TMEM232: variants seen among roughly 807,000 people sequenced by gnomAD.
The protein encoded by TMEM232 is transmembrane protein 232.
A neutral mutation model predicts 78.8 loss-of-function variants in TMEM232; 80 were observed. The ratio of observed to expected loss-of-function variants is 1.01; its 90% CI spans 0.85 to 1.22. TMEM232 has a LOEUF of 1.22. TMEM232 is among the 50% of genes most tolerant of loss of function. The pLI, the probability that TMEM232 is intolerant of heterozygous loss-of-function variation, is 0.00. For synonymous variants in TMEM232, 297 were observed against 254.3 expected, an observed-to-expected ratio of 1.17 and a Z score of -1.60; for missense variants, 881 against 742.2, an observed-to-expected ratio of 1.19 and a Z score of -2.17.
intron 1 of TMEM232, among the ~76,000 whole-genome samples, chr5:110,696,161 A>G (rs1040353087): frequency 6.6e-6 from 1 of 152,234 alleles, no homozygotes; most frequent in South Asian, 2.1e-4. Flanking sequence ...ACGAAAATCA[A>G]TAAACGTAAT....
intron 11 of TMEM232, among the ~76,000 whole-genome samples, chr5:110,534,071 A>G (rs1303992667): frequency 6.6e-6 from 1 of 152,122 alleles, no homozygotes; most frequent in South Asian, 2.1e-4. Context: ...TTTACTCAAC[A>G]TGCCCCAAGT....
intron 3 of TMEM232, among the ~76,000 whole-genome samples, chr5:110,396,614 G>A (rs1192597986): frequency 6.6e-6 from 1 of 152,104 alleles, no homozygotes; most frequent in Admixed American, 6.6e-5. Context: ...TATCTGAGGA[G>A]CTCACAAATC....
At chr5:110,391,714 A>G (rs1474497092) in intron 3 of TMEM232, among the ~76,000 whole-genome samples, 2 of 152,204 alleles carry the variant, frequency 1.3e-5, no homozygotes, top group Non-Finnish European at 2.9e-5. Context: ...TTGATTCAGT[A>G]TAATTAGATT....
intron 12 of TMEM232, among the ~76,000 whole-genome samples, chr5:110,494,422 C>A (rs1254533818): frequency 6.6e-6 from 1 of 151,740 alleles, no homozygotes; most frequent in East Asian, 1.9e-4. Flanking sequence ...CACTAGATTG[C>A]CAAAAATAAC....
chr5:110,487,347 T>C (rs1764572904), intron 12 of TMEM232, among the ~76,000 whole-genome samples: 1 of 152,088 alleles, frequency 6.6e-6, no homozygotes, highest in Non-Finnish European at 1.5e-5. Flanking sequence ...CAGTAATATG[T>C]TGAAGAAGAG....
At chr5:110,572,537 A>G (rs976900466) in intron 10 of TMEM232, among the ~76,000 whole-genome samples, 45 of 152,206 alleles carry the variant, frequency 3.0e-4, no homozygotes, top group African/African-American at 9.4e-4. Context: ...TATGTATTTT[A>G]AATTATTACT....
At chr5:110,395,741 G>A (rs1007640306) in intron 3 of TMEM232, among the ~76,000 whole-genome samples, 1 of 152,154 alleles carries the variant, frequency 6.6e-6, no homozygotes, top group Non-Finnish European at 1.5e-5. Context: ...TTGAAATCAA[G>A]AATCCATTTT....
At chr5:110,417,388 T>C (rs1456446042), downstream of TMEM232, among the ~76,000 whole-genome samples, 5 of 152,156 alleles carry the variant, frequency 3.3e-5, no homozygotes, top group African/African-American at 1.2e-4. Context: ...AATAAGACAG[T>C]AGTTGAAATA....
At chr5:110,503,268 C>G (rs531372972) in intron 12 of TMEM232, among the ~76,000 whole-genome samples, 3 of 152,174 alleles carry the variant, frequency 2.0e-5, no homozygotes. Context: ...TGGAAAGTAA[C>G]AACTACATGA....
At chr5:110,397,851 C>A (rs1462000401) in exon 3 of TMEM232, 1 of 152,580 alleles carries the variant, frequency 6.6e-6, no homozygotes, top group Non-Finnish European at 1.5e-5. Context: ...CATGTTGCTT[C>A]TGTCTGGAGT....
chr5:110,425,312 T>C (rs1425148629), intron 12 of TMEM232, among the ~76,000 whole-genome samples: 1 of 152,134 alleles, frequency 6.6e-6, no homozygotes, highest in Non-Finnish European at 1.5e-5. Context: ...CATAGTTCAG[T>C]GAAATTGTTG....
At chr5:110,673,063 A>T (rs1353795927) in intron 1 of TMEM232, among the ~76,000 whole-genome samples, 1 of 152,160 alleles carries the variant, frequency 6.6e-6, no homozygotes, top group Non-Finnish European at 1.5e-5. Context: ...CAAATGTCCA[A>T]CAATGATAGA....
At chr5:110,504,532 A>T (rs774478017) in intron 12 of TMEM232, among the ~76,000 whole-genome samples, 1 of 152,220 alleles carries the variant, frequency 6.6e-6, no homozygotes, top group Non-Finnish European at 1.5e-5. Context: ...GCTGCTGATA[A>T]TTCCCAAGAT....
intron 10 of TMEM232, among the ~76,000 whole-genome samples, chr5:110,585,897 T>C (rs1368656216): frequency 6.6e-6 from 1 of 152,176 alleles, no homozygotes; most frequent in East Asian, 1.9e-4. Context: ...AGCATACTGC[T>C]GCAACCTAGG....
chr5:110,603,311 T>A (rs879902640), intron 10 of TMEM232, among the ~76,000 whole-genome samples: 1 of 152,030 alleles, frequency 6.6e-6, no homozygotes, highest in Admixed American at 6.6e-5. Context: ...TACATAAATT[T>A]AAAAATATCA....
At chr5:110,540,244 A>T (rs1038767270) in intron 11 of TMEM232, among the ~76,000 whole-genome samples, 1 of 152,168 alleles carries the variant, frequency 6.6e-6, no homozygotes, top group Non-Finnish European at 1.5e-5. Context: ...AGCTGGATGG[A>T]GTGGCCTCGG....
intron 1 of TMEM232, among the ~76,000 whole-genome samples, chr5:110,684,014 TG>T (rs1159684194): frequency 1.3e-5 from 2 of 151,998 alleles, no homozygotes; most frequent in Non-Finnish European, 2.9e-5. Context: ...TTTCCATTCA[TG>T]ATTCTAAAAA....
intron 5 of TMEM232, among the ~76,000 whole-genome samples, chr5:110,636,902 A>G (rs1785916017): frequency 6.6e-6 from 1 of 152,106 alleles, no homozygotes; most frequent in Non-Finnish European, 1.5e-5. Context: ...GGGCATGTGC[A>G]AAGTATAAGC....
intron 1 of TMEM232, among the ~76,000 whole-genome samples, chr5:110,703,022 A>G (rs1356043789): frequency 1.3e-5 from 2 of 152,076 alleles, no homozygotes; most frequent in African/African-American, 4.8e-5. Context: ...TTACAAAAAA[A>G]TAAGTGGCTA....
Sources: allele counts gnomAD v4.1 joint callset (sites outside exome capture counted in the v4.1 genomes callset), GRCh38; gene constraint gnomAD v4.1.1; transcripts MANE v1.5; gene names NCBI Gene and HGNC (gene_info 2026-07-23, HGNC 2026-07-21).